NELL2: variants seen among roughly 807,000 people sequenced by gnomAD.
NELL2 encodes protein kinase C-binding protein NELL2.
Under a neutral mutation model 109.6 loss-of-function variants are expected in NELL2, and 41 were observed. The observed-to-expected ratio is 0.37, with a 90% CI of 0.29 to 0.49. The LOEUF is 0.49. Among genes scored for constraint, NELL2 ranks in the 20% least tolerant of loss-of-function variants. NELL2 has a pLI of 0.98. For missense variants in NELL2, 900 were observed against 1,008.3 expected (o/e 0.89, Z 1.45); for synonymous variants, 355 against 344.7 (o/e 1.03, Z -0.33).
At chr12:44,609,254 T>C (rs891755720) in intron 14 of NELL2, among the ~76,000 whole-genome samples, 1 of 151,850 alleles carries the variant, frequency 6.6e-6, no homozygotes, top group South Asian at 2.1e-4. Flanking sequence ...CCAGTGAAAA[T>C]AAGGTTTACG....
chr12:44,902,468 C>T (rs1945671762), intron 1 of NELL2, among the ~76,000 whole-genome samples: 1 of 152,124 alleles, frequency 6.6e-6, no homozygotes, highest in South Asian at 2.1e-4. Context: ...GTGAAAATGG[C>T]CACGCTGCCC....
chr12:44,899,141 G>A (rs1945630159), intron 1 of NELL2, among the ~76,000 whole-genome samples: 1 of 151,928 alleles, frequency 6.6e-6, no homozygotes, highest in South Asian at 2.1e-4. Flanking sequence ...CATTTGACTG[G>A]TGTACTTGAA....
intron 1 of NELL2, among the ~76,000 whole-genome samples, chr12:44,882,398 A>G (rs1401317667): frequency 6.6e-6 from 1 of 151,222 alleles, no homozygotes; most frequent in Non-Finnish European, 1.5e-5. Flanking sequence ...GTGTATACAT[A>G]TACACATATG....
chr12:44,606,997 G>A (rs924192146), intron 15 of NELL2, among the ~76,000 whole-genome samples, 172 bp downstream of exon 15: 1 of 152,036 alleles, frequency 6.6e-6, no homozygotes, highest in Admixed American at 6.6e-5. Flanking sequence ...TTGGGGAATC[G>A]CCCAGCGAAA....
intron 9 of NELL2, among the ~76,000 whole-genome samples, chr12:44,768,010 C>T (rs1243022688): frequency 6.6e-6 from 1 of 152,194 alleles, no homozygotes; most frequent in Non-Finnish European, 1.5e-5. Context: ...ACTTACACTA[C>T]CCAGGACTAG....
Position 44,761,506 on chromosome 12 carries a change from A to G in NELL2, c.994+13241T>C, listed in dbSNP as rs949839834. 6.2e-4 allele frequency among the ~76,000 whole-genome samples: 95 copies of G among 152,328 alleles called. 1 individual carries two copies. The highest frequency in any genetic ancestry group is 2.2e-3 in the African/African-American group (92 of 41,580). ...GAACTAAAAATAGAACTACCATTCA[A>G]CCCAGCAATCTCACTATATGGTATC... On this transcript the variant is annotated intron_variant, in intron 9 of 19. Transcript: ENST00000429094.
At chr12:44,866,653 AC>A (rs1385977657) in intron 2 of NELL2, among the ~76,000 whole-genome samples, 9 of 152,120 alleles carry the variant, frequency 5.9e-5, no homozygotes, top group African/African-American at 2.2e-4. Context: ...AATGAGAGAG[AC>A]TAAAATTAAT....
At chr12:44,614,169 T>C (rs1215895076) in intron 13 of NELL2, among the ~76,000 whole-genome samples, 1 of 151,970 alleles carries the variant, frequency 6.6e-6, no homozygotes, top group Non-Finnish European at 1.5e-5. Flanking sequence ...ATTTCATTGT[T>C]TATATGATAT....
intron 13 of NELL2, among the ~76,000 whole-genome samples, chr12:44,616,208 C>G (rs1945819499): frequency 6.6e-6 from 1 of 152,134 alleles, no homozygotes; most frequent in South Asian, 2.1e-4. Flanking sequence ...ATAGTCAGCC[C>G]ACTACCCTCA....
intron 15 of NELL2, among the ~76,000 whole-genome samples, chr12:44,604,520 T>A (rs892583880): frequency 2.6e-5 from 4 of 152,158 alleles, no homozygotes; most frequent in African/African-American, 9.7e-5. Context: ...TGATCACTCA[T>A]GTGTGCATTT....
Position 44,695,748 on chromosome 12 carries a change from A to G in NELL2, c.1318+7978T>C, listed in dbSNP as rs1949043562. ...TCATCATCATAGGACTGTTGGAGGAAATAAGATCATATATATGACCAGCCT... is the reference window on the plus strand; with the variant it reads ...TCATCATCATAGGACTGTTGGAGGAGATAAGATCATATATATGACCAGCCT... On this transcript the variant is annotated intron_variant, in intron 12 of 19. Coordinates refer to ENST00000429094, the MANE Select transcript of NELL2 (RefSeq NM_001145108.2). Among the ~76,000 whole-genome samples the G allele has an allele frequency of 3.3e-5, 5 of 152,298 alleles. No individual in the cohort carries two copies. The South Asian group carries it at 1.0e-3, about 32-fold the overall frequency.
In NELL2 at chr12:44,511,481, T is replaced by C. The variant is rs189076087; in HGVS notation, c.2401-2497A>G. Among the ~76,000 whole-genome samples the C allele has an allele frequency of 7.2e-5, 11 of 152,286 alleles. No individual in the cohort carries two copies. In the East Asian group the frequency reaches 1.9e-3, roughly 27 times the overall value. ...ACTCCCCAGTCTGTGCAGCTTGAGA[T>C]AACTATAAGGAAAGCAGAAAGCCAC... On this transcript the variant is annotated intron_variant, in intron 19 of 19. Transcript: ENST00000429094.
chr12:44,760,115 A>G (rs1444665582), intron 9 of NELL2, among the ~76,000 whole-genome samples: 1 of 152,170 alleles, frequency 6.6e-6, no homozygotes, highest in African/African-American at 2.4e-5. Flanking sequence ...CCTCATATAC[A>G]GTGGATTTCA....
chr12:44,841,393 C>T (rs1236820942), intron 2 of NELL2, among the ~76,000 whole-genome samples: 1 of 152,182 alleles, frequency 6.6e-6, no homozygotes, highest in African/African-American at 2.4e-5. Flanking sequence ...ACAGCATAGG[C>T]TCCCTGTCCC....
At chr12:44,556,140 A>T (rs1407453708) in intron 15 of NELL2, among the ~76,000 whole-genome samples, 1 of 152,230 alleles carries the variant, frequency 6.6e-6, no homozygotes, top group African/African-American at 2.4e-5. Context: ...CATAGCTGGC[A>T]TGATACAAGG....
chr12:44,757,143 G>T (rs145041629), intron 9 of NELL2, among the ~76,000 whole-genome samples: 59 of 152,168 alleles, frequency 3.9e-4, no homozygotes, highest in African/African-American at 1.4e-3. Context: ...TCTCTCCCTT[G>T]GTCCTTGAAA....
rs550181065 is a variant in NELL2 at position 44,766,778 on chromosome 12, G to C, written c.994+7969C>G. ...AATCCCATTTTGGTCCCCTAGAACT[G>C]TGCTAGACAGTTTGATTTAATTATT... On this transcript the variant is annotated intron_variant, in intron 9 of 19. Transcript: ENST00000429094. Among the ~76,000 whole-genome samples the C allele has an allele frequency of 3.3e-5, 5 of 152,184 alleles. No homozygotes were observed. The South Asian group carries it at 1.0e-3, about 32-fold the overall frequency.
rs181290013 is a variant in NELL2 at position 44,697,823 on chromosome 12, A to G, written c.1318+5903T>C. Among the ~76,000 whole-genome samples the G allele has an allele frequency of 5.9e-5, 9 of 152,336 alleles. No homozygotes were observed. In the South Asian group the frequency reaches 8.3e-4, roughly 14 times the overall value. ...TAGTTTTCTAGGACTGCCATAATAAAGTACCACAAACTGGGTGTCTTGCAC... is the reference window on the plus strand; with the variant it reads ...TAGTTTTCTAGGACTGCCATAATAAGGTACCACAAACTGGGTGTCTTGCAC... On this transcript the variant is annotated intron_variant, in intron 12 of 19. Transcript: ENST00000429094.
chr12:44,738,591 T>C (rs367619247), intron 9 of NELL2, among the ~76,000 whole-genome samples: 2 of 152,006 alleles, frequency 1.3e-5, no homozygotes, highest in African/African-American at 2.4e-5. Flanking sequence ...CTCACTTATA[T>C]GTGGAAACTA....
Sources: allele counts gnomAD v4.1 joint callset (sites outside exome capture counted in the v4.1 genomes callset), GRCh38; gene constraint gnomAD v4.1.1; transcripts MANE v1.5; gene names NCBI Gene and HGNC (gene_info 2026-07-23, HGNC 2026-07-21).